The following KRT9 variants were observed in gnomAD, a reference collection of about 807,000 sequenced individuals.
KRT9 encodes the protein keratin 9.
A neutral mutation model predicts 51.4 loss-of-function variants in KRT9; 34 were observed. That is an observed-to-expected ratio of 0.66 (90% CI 0.50 to 0.88). The LOEUF (loss-of-function observed/expected upper bound fraction) is 0.88. Among genes scored for constraint, KRT9 ranks in the 40% least tolerant of loss-of-function variants. The pLI, the probability that KRT9 is intolerant of heterozygous loss-of-function variation, is 0.00. For missense variants in KRT9, 753 were observed against 790.3 expected (o/e 0.95, Z 0.57); for synonymous variants, 292 against 289.7 (o/e 1.01, Z -0.08).
At chr17:41,568,975 T>G (rs1267087366) in intron 4 of KRT9, among the ~76,000 whole-genome samples, 3 of 151,436 alleles carry the variant, frequency 2.0e-5, no homozygotes, top group Admixed American at 1.3e-4. Flanking sequence ...CATGCCTTCA[T>G]GTATGTGCCA....
At position 41,571,866 on chromosome 17, in the gene KRT9, C is replaced by A; in HGVS notation, c.127G>T (p.Gly43Ter). 6.2e-7 allele frequency: 1 copy of A among 1,612,474 alleles called. No homozygotes were observed. Among genetic ancestry groups the A allele is most frequent in the East Asian group, 2.2e-5 (1 of 44,808 alleles). Residue 43 changes from glycine (G) to a stop codon, truncating the protein, a stop_gained, in exon 1 of 8, where the codon GGA (glycine) becomes TGA (stop). Transcript: ENST00000246662. LOFTEE classifies it high-confidence loss of function. ...CTAGAAGAGCTGAATCGGCCCCCTC[C>A]TCCACCGCCCCCTGAGGAGCTGAAG... ...SRFSSSGGGG[G>*]GGRFSSSSGY...
At position 41,569,906 on chromosome 17, in the gene KRT9, C is replaced by T. The variant is rs1401795504; in HGVS notation, c.835G>A (p.Glu279Lys). ...MEKSDLEMQY[E>K]TLQEELMALK... ...GCCATCAGCTCCTCCTGCAGAGTCT[C>T]ATACTGCATCTCCAGGTCAGACTTC... Residue 279 changes from glutamate (E) to lysine (K), a missense_variant, in exon 3 of 8, where the codon GAG becomes AAG. By Grantham distance (56) the Glu-to-Lys change is moderately conservative. Coordinates refer to ENST00000246662, the MANE Select transcript of KRT9 (RefSeq NM_000226.4). The T allele has an allele frequency of 3.1e-6, 5 of 1,614,080 alleles. No homozygotes were observed. Among genetic ancestry groups the T allele is most frequent in the Middle Eastern group, 1.6e-4 (1 of 6,084 alleles).
rs1369287150 is a variant in KRT9 at position 41,571,582 on chromosome 17, A to G, written c.411T>C (p.Phe137=). 1.2e-6 allele frequency: 2 copies of G among 1,600,354 alleles called. No homozygotes were observed. Among genetic ancestry groups the G allele is most frequent in the African/African-American group, 2.7e-5 (2 of 74,496 alleles). ...CATCACCTCCTCCAGCACCACCTCC[A>G]AAGCCCCCAAACCCCCCAAACCCAC... ...YGSGFGGFGG[F]GGGAGGGDGG... Residue 137 remains phenylalanine, a synonymous_variant, in exon 1 of 8, where the codon TTT becomes TTC. Transcript: ENST00000246662.
At chr17:41,568,429 C>T (rs1385081838) in intron 5 of KRT9, 44 bp from the exon 6 acceptor site, 3 of 1,613,778 alleles carry the variant, frequency 1.9e-6, no homozygotes, top group Non-Finnish European at 8.5e-7. Context: ...TACATCATAA[C>T]TCCTCTTCTT....
rs755380058 is a variant in KRT9, at chr17:41,569,865, A to G, written c.876T>C (p.His292=). The change falls in exon 3 of 8, where the codon CAT becomes CAC. Residue 292 remains histidine, a synonymous_variant. Transcript: ENST00000246662. ...QEELMALKKN[H]KEEMSQLTGQ... ...ATAAGCCCCAGCAACCTACCTCCTT[A>G]TGATTCTTCTTGAGGGCCATCAGCT... 1 of 1,614,050 alleles carries G rather than the reference A, an allele frequency of 6.2e-7. No individual in the cohort carries two copies. Among genetic ancestry groups the G allele is most frequent in the South Asian group, 1.1e-5 (1 of 91,070 alleles).
In KRT9 at chr17:41,571,669, A is replaced by C; in HGVS notation, c.324T>G (p.Ser108=). The C allele has an allele frequency of 1.2e-6, 2 of 1,604,286 alleles. No homozygotes were observed. Among genetic ancestry groups the C allele is most frequent in the Non-Finnish European group, 1.7e-6 (2 of 1,175,410 alleles). Residue 108 remains serine, a synonymous_variant, in exon 1 of 8, where the codon TCT becomes TCG. Coordinates refer to ENST00000246662, the MANE Select transcript of KRT9 (RefSeq NM_000226.4). ...CACCAAAGCCACCTCCAAAACCCCC[A>C]GAACTACTATAGCCTCCTCCAGAAG... is the stretch of plus-strand genomic sequence containing the variant. ...GGASGGGYSS[S]GGFGGGFGGG...
intron 1 of KRT9, among the ~76,000 whole-genome samples, chr17:41,570,944 G>A (rs1185591864): frequency 1.3e-5 from 2 of 152,176 alleles, no homozygotes; most frequent in African/African-American, 4.8e-5. Flanking sequence ...TCCAACACTT[G>A]AATAACCAAC....
chr17:41,570,111 G>A (rs1907028574), intron 2 of KRT9, 27 bp downstream of exon 2: 1 of 1,612,348 alleles, frequency 6.2e-7, no homozygotes, highest in African/African-American at 1.3e-5. Flanking sequence ...GCTGATGACA[G>A]GAGAGGAGAA....
chr17:41,569,660 TC>T (rs1205506976), intron 3 of KRT9, 73 bp from the exon 4 acceptor site: 5 of 1,582,248 alleles, frequency 3.2e-6, no homozygotes, highest in Non-Finnish European at 3.5e-6. Context: ...CTCCCTCTGG[TC>T]CCCCCAGGGT....
At position 41,569,909 on chromosome 17, in the gene KRT9, A is replaced by G. The variant is rs1158912291; in HGVS notation, c.832T>C (p.Tyr278His). The change falls in exon 3 of 8, where the codon TAT becomes CAT. Residue 278 changes from tyrosine (Y) to histidine (H), a missense_variant. By Grantham distance (83) the Tyr-to-His change is moderately conservative. Transcript: ENST00000246662. ...ATCAGCTCCTCCTGCAGAGTCTCAT[A>G]CTGCATCTCCAGGTCAGACTTCTCC... ...TMEKSDLEMQ[Y>H]ETLQEELMAL... The G allele has an allele frequency of 6.2e-7, 1 of 1,614,134 alleles. No individual in the cohort carries two copies.
In KRT9 at chr17:41,571,939, G is replaced by A. The variant is rs8070952; in HGVS notation, c.54C>T (p.Gly18=). ...SSYLSRSGGG[G]GGGLGSGGSI... ...TGCCCCCGCTGCCCAGGCCGCCCCC[G>A]CCACCCCCGCCGCTGCGGCTCAAGT... is the stretch of plus-strand genomic sequence containing the variant. Residue 18 remains glycine (G), a synonymous_variant, in exon 1 of 8, where the codon GGC becomes GGT. Coordinates refer to ENST00000246662, the MANE Select transcript of KRT9 (RefSeq NM_000226.4). The A allele has an allele frequency of 7.6e-6, 12 of 1,574,124 alleles. No homozygotes were observed. Among genetic ancestry groups the A allele is most frequent in the Admixed American group, 1.8e-5 (1 of 55,370 alleles).
At chr17:41,567,773 G>A in intron 6 of KRT9, 23 bp from the exon 7 acceptor site, 1 of 1,613,892 alleles carries the variant, frequency 6.2e-7, no homozygotes, top group South Asian at 1.1e-5. Flanking sequence ...GAAAACAAGA[G>A]AGTTAAAATG....
In KRT9 at chr17:41,567,413, A is replaced by C; in HGVS notation, c.1732T>G (p.Ser578Ala). ...SGGGYGGGSG[S>A]RGGSGGSHGG... ...TGGCTGCCTCCACTTCCTCCCCTGG[A>C]CCCACTTCCTCCACCATAGCCACCC... is the stretch of plus-strand genomic sequence containing the variant. The change falls in exon 7 of 8, where the codon TCC (serine) becomes GCC (alanine). Residue 578 changes from serine to alanine, a missense_variant. Ser to Ala is a moderately conservative substitution (Grantham distance 99). Coordinates refer to ENST00000246662, the MANE Select transcript of KRT9 (RefSeq NM_000226.4). 1 of 1,576,002 alleles carries C rather than the reference A, an allele frequency of 6.3e-7. No homozygotes were observed. The highest frequency in any genetic ancestry group is 8.6e-7 in the Non-Finnish European group (1 of 1,159,970).
In KRT9 at chr17:41,571,406, G is replaced by A. The variant is rs2144572136; in HGVS notation, c.587C>T (p.Ala196Val). ...ATAAGGGGAGTAGTTCTTCTGGATAGCAGCAGGTCCCTTCTTGTCGTACCA... is the reference window on the plus strand; with the variant it reads ...ATAAGGGGAGTAGTTCTTCTGGATAACAGCAGGTCCCTTCTTGTCGTACCA... ...QDWYDKKGPA[A>V]IQKNYSPYYN... The change falls in exon 1 of 8, where the codon GCT becomes GTT. Residue 196 changes from alanine to valine, a missense_variant. Physicochemically the swap from Ala to Val is moderately conservative, Grantham distance 64. Around this residue, in one of 3 missense-constraint regions of KRT9, gnomAD observed 507 missense variants for 563.7 expected, o/e 0.90. Coordinates refer to ENST00000246662, the MANE Select transcript of KRT9 (RefSeq NM_000226.4). 6.2e-7 allele frequency: 1 copy of A among 1,614,060 alleles called. No homozygotes were observed. The highest frequency in any genetic ancestry group is 8.5e-7 in the Non-Finnish European group (1 of 1,180,012).
Position 41,568,184 on chromosome 17 carries a change from G to A in KRT9, c.1372C>T (p.Leu458Phe), listed in dbSNP as rs58120120. Residue 458 changes from leucine to phenylalanine, a missense_variant, in exon 6 of 8, where the codon CTT becomes TTT. Physicochemically the swap from Leu to Phe is conservative, Grantham distance 22 (BLOSUM62 0). Around this residue, in one of 3 missense-constraint regions of KRT9, gnomAD observed 507 missense variants for 563.7 expected, o/e 0.90. Coordinates refer to ENST00000246662, the MANE Select transcript of KRT9 (RefSeq NM_000226.4). ...TACAAGTCTTCCTGGCCTCCCTCAA[G>A]GAGGTTGTGGTAGGTCTCGATTTCC... is the stretch of plus-strand genomic sequence containing the variant. ...EKEIETYHNLLEGGQEDFESS... is the reference protein window; with the variant it reads ...EKEIETYHNLFEGGQEDFESS... 3.7e-6 allele frequency: 6 copies of A among 1,613,906 alleles called. No homozygotes were observed. Among genetic ancestry groups the A allele is most frequent in the Non-Finnish European group, 3.4e-6 (4 of 1,180,000 alleles).
rs1211144986 is a variant in KRT9 at position 41,568,614 on chromosome 17, T to G, written c.1064A>C (p.Glu355Ala). 6.2e-7 allele frequency: 1 copy of G among 1,614,100 alleles called. No homozygotes were observed. The change falls in exon 5 of 8, where the codon GAG becomes GCG. Residue 355 changes from glutamate (E) to alanine (A), a missense_variant. By Grantham distance (107) the Glu-to-Ala change is moderately radical. Transcript: ENST00000246662. ...YETQITQIEHEVSSSGQEVQS... is the reference protein window; with the variant it reads ...YETQITQIEHAVSSSGQEVQS... ...CACCTCCTGACCACTACTGGATACC[T>G]CATGCTCGATCTGGGTTATCTGCAA...
chr17:41,568,773 A>C (rs1597793417), intron 4 of KRT9, 140 bp from the exon 5 acceptor site: 1 of 1,140,654 alleles, frequency 8.8e-7, no homozygotes, highest in Non-Finnish European at 1.3e-6. Flanking sequence ...AGTTCTGGGT[A>C]CCCTCCAGCC....
In KRT9 at chr17:41,568,587, T is replaced by G. The variant is rs766726162; in HGVS notation, c.1091A>C (p.Gln364Pro). 1 of 1,614,130 alleles carries G rather than the reference T, an allele frequency of 6.2e-7. No homozygotes were observed. Among genetic ancestry groups the G allele is most frequent in the Non-Finnish European group, 8.5e-7 (1 of 1,180,004 alleles). ...HEVSSSGQEV[Q>P]SSAKEVTQLR... ...CTGGGTCACCTCCTTGGCACTGGAC[T>G]GCACCTCCTGACCACTACTGGATAC... Residue 364 changes from glutamine (Q) to proline (P), a missense_variant, in exon 5 of 8, where the codon CAG becomes CCG. By Grantham distance (76) the Gln-to-Pro change is moderately conservative. This residue lies in a region of KRT9 where 507 missense variants were observed against 563.7 expected (regional missense o/e 0.90). Transcript: ENST00000246662.
rs1907067422 is a variant in KRT9, at chr17:41,571,280, A to G, written c.642+71T>C. On this transcript the variant is annotated intron_variant, in intron 1 of 7. Transcript: ENST00000246662. ...CTATTATCTGAGCTTAGAGTTTAGC[A>G]TTTTAACTTTTTTGGAAGATAAAGA... is the stretch of plus-strand genomic sequence containing the variant. 1.8e-5 allele frequency: 24 copies of G among 1,369,274 alleles called. No homozygotes were observed. In the South Asian group the frequency reaches 2.1e-4, roughly 12 times the overall value. 84.8% of individuals were successfully genotyped at this position (1,369,274 alleles called of 1,614,324 possible). A position where few individuals can be genotyped will look rare whatever the true frequency, so the allele number is the denominator to read the frequency against.
Sources: allele counts gnomAD v4.1 joint callset (sites outside exome capture counted in the v4.1 genomes callset), GRCh38; gene constraint gnomAD v4.1.1; regional missense constraint gnomAD v4.1.1; transcripts MANE v1.5; gene names NCBI Gene and HGNC (gene_info 2026-07-23, HGNC 2026-07-21).